ABCG4: variants seen among roughly 807,000 people sequenced by gnomAD.
The protein encoded by ABCG4 is ATP-binding cassette sub-family G member 4.
In ABCG4, 35 loss-of-function variants were observed where a neutral mutation model predicts 64.6. The observed-to-expected ratio is 0.54, with a 90% CI of 0.41 to 0.72. The LOEUF (loss-of-function observed/expected upper bound fraction) is 0.72, where lower values mean the gene tolerates loss of function less well. Ranked by LOEUF, ABCG4 falls within the 30% of genes least tolerant of loss-of-function variation. ABCG4 has a pLI of 0.00. For synonymous variants in ABCG4, 326 were observed against 348.2 expected (o/e 0.94, Z 0.71); for missense variants, 610 against 846.3 (o/e 0.72, Z 3.46).
In ABCG4 at chr11:119,154,430, C is replaced by T; in HGVS notation, c.489+38C>T. Reference sequence around the variant, plus strand: ...TAGTCACCCCTCCTCCCAGCAACCCCCTCTGTCTGCTGTCGCCACCTTCAC... The same window carrying T: ...TAGTCACCCCTCCTCCCAGCAACCCTCTCTGTCTGCTGTCGCCACCTTCAC... On this transcript the variant is annotated intron_variant, in intron 4 of 14. Transcript: ENST00000619701. This position sits in a 1 kb window ranked among gnomAD's most constrained non-coding sequence, Gnocchi z 7.0. 1.2e-6 allele frequency: 2 copies of T among 1,614,134 alleles called. No homozygotes were observed. The highest frequency in any genetic ancestry group is 1.3e-5 in the African/African-American group (1 of 75,046).
chr11:119,155,523 T>C lies in ABCG4; in HGVS notation c.686+608T>C, dbSNP rs558301604. 2.0e-5 allele frequency: 3 copies of C among 152,738 alleles called. No homozygotes were observed. The highest frequency in any genetic ancestry group is 7.2e-5 in the African/African-American group (3 of 41,582). 9.5% of individuals were successfully genotyped at this position (152,738 alleles called of 1,614,324 possible). A position where few individuals can be genotyped will look rare whatever the true frequency, so the allele number is the denominator to read the frequency against. On this transcript the variant is annotated intron_variant, in intron 6 of 14. Transcript: ENST00000619701. This position sits in a 1 kb window ranked among gnomAD's most constrained non-coding sequence, Gnocchi z 4.5. ...TTTTAGTAGAGATGGGGTTTCACCA[T>C]GTTGGTCAGGCTGGTCTTGAACTTC... is the stretch of plus-strand genomic sequence containing the variant.
Position 119,155,040 on chromosome 11 carries a change from G to A in ABCG4, c.686+125G>A. ...ACAGCCTCCTGGGGCCAAGATAAGG[G>A]CTTCTTCCTCATCTCCACCCTTGCC... is the stretch of plus-strand genomic sequence containing the variant. On this transcript the variant is annotated intron_variant, in intron 6 of 14. Transcript: ENST00000619701. The surrounding 1 kb of genome is among the most constrained non-coding windows in gnomAD (Gnocchi z 4.5). 7.4e-7 allele frequency: 1 copy of A among 1,352,560 alleles called. No individual in the cohort carries two copies. Among genetic ancestry groups the A allele is most frequent in the East Asian group, 2.3e-5 (1 of 42,884 alleles). The allele number at this position is 1,352,560 out of a possible 1,614,324, so 83.8% of individuals were successfully genotyped here. A position where few individuals can be genotyped will look rare whatever the true frequency, so the allele number is the denominator to read the frequency against.
chr11:119,161,108 G>A lies in ABCG4; in HGVS notation c.*2G>A. The A allele has an allele frequency of 6.2e-7, 1 of 1,612,126 alleles. No homozygotes were observed. Among genetic ancestry groups the A allele is most frequent in the Middle Eastern group, 1.7e-4 (1 of 6,050 alleles). The stretch of plus-strand genomic sequence containing the variant: ...TACCGGGTCAAGTCAGAGAGATAGA[G>A]GCTTGCCCCAGCCTGTACCCCAGCC... On this transcript the variant is annotated 3_prime_UTR_variant, in exon 15 of 15. Coordinates refer to ENST00000619701, the MANE Select transcript of ABCG4 (RefSeq NM_022169.5).
Position 119,154,456 on chromosome 11 carries a change from C to G in ABCG4, c.489+64C>G. On this transcript the variant is annotated intron_variant, in intron 4 of 14. Coordinates refer to ENST00000619701, the MANE Select transcript of ABCG4 (RefSeq NM_022169.5). This position sits in a 1 kb window ranked among gnomAD's most constrained non-coding sequence, Gnocchi z 7.0. ...CTCTGTCTGCTGTCGCCACCTTCAC[C>G]ATTGGCGGAGGGTTCAAGGCAGAGC... 1 of 1,614,060 alleles carries G rather than the reference C, an allele frequency of 6.2e-7. No individual in the cohort carries two copies. Among genetic ancestry groups the G allele is most frequent in the Non-Finnish European group, 8.5e-7 (1 of 1,179,974 alleles).
In ABCG4 at chr11:119,161,185, T is replaced by C; in HGVS notation, c.*79T>C. On this transcript the variant is annotated 3_prime_UTR_variant, in exon 15 of 15. Coordinates refer to ENST00000619701, the MANE Select transcript of ABCG4 (RefSeq NM_022169.5). ...GCCCTTTGGGACTGTTTTAACCTTATAGACTTGGGCACTGGTTCCTGGCGG... is the reference window on the plus strand; with the variant it reads ...GCCCTTTGGGACTGTTTTAACCTTACAGACTTGGGCACTGGTTCCTGGCGG... 1 of 1,354,732 alleles carries C rather than the reference T, an allele frequency of 7.4e-7. No homozygotes were observed. The highest frequency in any genetic ancestry group is 1.4e-5 in the African/African-American group (1 of 69,114). The allele number at this position is 1,354,732 out of a possible 1,614,324, so 83.9% of individuals were successfully genotyped here.
Position 119,156,896 on chromosome 11 carries a change from A to T in ABCG4, c.950A>T (p.Tyr317Phe). 1 of 1,612,644 alleles carries T rather than the reference A, an allele frequency of 6.2e-7. No homozygotes were observed. Among genetic ancestry groups the T allele is most frequent in the South Asian group, 1.1e-5 (1 of 90,906 alleles). The change falls in exon 9 of 15, where the codon TAT becomes TTT. Residue 317 changes from tyrosine (Y) to phenylalanine (F), a missense_variant. Tyr to Phe is a conservative substitution (Grantham distance 22, BLOSUM62 3). Coordinates refer to ENST00000619701, the MANE Select transcript of ABCG4 (RefSeq NM_022169.5). The surrounding 1 kb of genome is among the most constrained non-coding windows in gnomAD (Gnocchi z 5.5). ...GTCATCGAGGTGGCCTCTGGCGAGTATGGAGACCTGAACCCCATGTTGTTC... is the reference window on the plus strand; with the variant it reads ...GTCATCGAGGTGGCCTCTGGCGAGTTTGGAGACCTGAACCCCATGTTGTTC... ...DFIIEVASGE[Y>F]GDLNPMLFRA...
chr11:119,152,041 GTAAT>G (rs1192016314), intron 2 of ABCG4, among the ~76,000 whole-genome samples: 1 of 152,252 alleles, frequency 6.6e-6, no homozygotes, highest in East Asian at 1.9e-4. Context: ...ACCAGCTACT[GTAAT>G]TAATTGAGGG....
In ABCG4 at chr11:119,149,730, AGG is replaced by A. The variant is rs1948165562; in HGVS notation, c.-12-222_-12-221del. ...AGCCGCCGGGAGGAAGGAGCGATTG[AGG>A]GCTTCAAGGGGACGGGCTGGGGTCA... On this transcript the variant is annotated intron_variant, in intron 1 of 14. Coordinates refer to ENST00000619701, the MANE Select transcript of ABCG4 (RefSeq NM_022169.5). The surrounding 1 kb of genome is among the most constrained non-coding windows in gnomAD (Gnocchi z 8.3). 5 of 624,950 alleles carry A rather than the reference AGG, an allele frequency of 8.0e-6. No homozygotes were observed. The highest frequency in any genetic ancestry group is 1.3e-5 in the Non-Finnish European group (5 of 373,688). 38.7% of individuals were successfully genotyped at this position (624,950 alleles called of 1,614,324 possible).
intron 9 of ABCG4, 48 bp downstream of exon 9, chr11:119,157,062 A>G: frequency 6.4e-7 from 1 of 1,553,560 alleles, no homozygotes; most frequent in Non-Finnish European, 8.7e-7. Context: ...GGGAGGGGAG[A>G]CTGGACCATG....
intron 9 of ABCG4, among the ~76,000 whole-genome samples, chr11:119,157,819 T>C (rs1194732131): frequency 1.3e-5 from 2 of 152,270 alleles, no homozygotes; most frequent in East Asian, 3.9e-4. Context: ...TGAGCTGAGA[T>C]TGCGCCACTG....
chr11:119,153,367 A>G (rs1196864367), intron 2 of ABCG4: 1 of 153,118 alleles, frequency 6.5e-6, no homozygotes, highest in Admixed American at 6.5e-5. Flanking sequence ...TTACTGGGCC[A>G]TGTAGGGGCT....
At position 119,149,962 on chromosome 11, in the gene ABCG4, C is replaced by A; in HGVS notation, c.-4C>A. 6.2e-7 allele frequency: 1 copy of A among 1,603,122 alleles called. No homozygotes were observed. ...AGGCCCTCCCCTTGCAGGTCGGCGG[C>A]GTGATGGCGGAGAAGGCGCTGGAGG... is the stretch of plus-strand genomic sequence containing the variant. On this transcript the variant is annotated 5_prime_UTR_variant, in exon 2 of 15. Transcript: ENST00000619701. This position sits in a 1 kb window ranked among gnomAD's most constrained non-coding sequence, Gnocchi z 8.3.
Position 119,156,820 on chromosome 11 carries a change from C to T in ABCG4, c.926-52C>T. 1.3e-6 allele frequency: 2 copies of T among 1,592,140 alleles called. No individual in the cohort carries two copies. The highest frequency in any genetic ancestry group is 8.6e-7 in the Non-Finnish European group (1 of 1,166,336). ...CACACCCAAGGCGGGACTGACTTGC[C>T]CTTGGGAAGTGAGTGTGAATCTAAA... On this transcript the variant is annotated intron_variant, in intron 8 of 14. Coordinates refer to ENST00000619701, the MANE Select transcript of ABCG4 (RefSeq NM_022169.5). This position sits in a 1 kb window ranked among gnomAD's most constrained non-coding sequence, Gnocchi z 5.5.
At chr11:119,151,848 C>T (rs1948196495) in intron 2 of ABCG4, among the ~76,000 whole-genome samples, 1 of 152,254 alleles carries the variant, frequency 6.6e-6, no homozygotes, top group Admixed American at 6.5e-5. Context: ...AGTTGTGGGA[C>T]ATGGGTTCCT....
Position 119,149,961 on chromosome 11 carries a change from G to A in ABCG4, c.-5G>A, listed in dbSNP as rs1359748987. 6.2e-7 allele frequency: 1 copy of A among 1,602,936 alleles called. No homozygotes were observed. The highest frequency in any genetic ancestry group is 2.2e-5 in the East Asian group (1 of 44,832). On this transcript the variant is annotated 5_prime_UTR_variant, in exon 2 of 15. Transcript: ENST00000619701. The surrounding 1 kb of genome is among the most constrained non-coding windows in gnomAD (Gnocchi z 8.3). ...CAGGCCCTCCCCTTGCAGGTCGGCG[G>A]CGTGATGGCGGAGAAGGCGCTGGAG... is the stretch of plus-strand genomic sequence containing the variant.
In ABCG4 at chr11:119,160,834, C is replaced by A; in HGVS notation, c.1716-47C>A. 1 of 1,580,656 alleles carries A rather than the reference C, an allele frequency of 6.3e-7. No individual in the cohort carries two copies. Among genetic ancestry groups the A allele is most frequent in the Non-Finnish European group, 8.7e-7 (1 of 1,154,272 alleles). ...GGGCTCTGGCAGTTTTCTCAGAGAG[C>A]AGGGACCCTGTGTGCTGTATCCCAT... On this transcript the variant is annotated intron_variant, in intron 14 of 14. Transcript: ENST00000619701. This position sits in a 1 kb window ranked among gnomAD's most constrained non-coding sequence, Gnocchi z 4.6.
In ABCG4 at chr11:119,161,023, T is replaced by TC. The variant is rs758453473; in HGVS notation, c.1858_1859insC (p.Phe620SerfsTer103). On this transcript the variant is annotated frameshift_variant, in exon 15 of 15. Transcript: ENST00000619701. LOFTEE classifies it high-confidence loss of function. Reference sequence around the variant, plus strand: ...GGAGGATGCCAAGCTCTACATGGACTTCCTGGTCTTGGGCATCTTCTTCCT... The same window carrying TC: ...GGAGGATGCCAAGCTCTACATGGACTCTCCTGGTCTTGGGCATCTTCTTCCT... 6.2e-7 allele frequency: 1 copy of TC among 1,614,060 alleles called. No homozygotes were observed. The highest frequency in any genetic ancestry group is 8.5e-7 in the Non-Finnish European group (1 of 1,179,978).
chr11:119,158,407 A>G lies in ABCG4; in HGVS notation c.1167+75A>G. The G allele has an allele frequency of 6.4e-7, 1 of 1,572,640 alleles. No individual in the cohort carries two copies. Among genetic ancestry groups the G allele is most frequent in the Non-Finnish European group, 8.7e-7 (1 of 1,143,722 alleles). The stretch of plus-strand genomic sequence containing the variant: ...GGGCTGTAGGATCCCAGCAGCTGAA[A>G]TGGGAATGGGGACCCTCCCTCACAG... On this transcript the variant is annotated intron_variant, in intron 10 of 14. Coordinates refer to ENST00000619701, the MANE Select transcript of ABCG4 (RefSeq NM_022169.5). This position sits in a 1 kb window ranked among gnomAD's most constrained non-coding sequence, Gnocchi z 4.5.
In ABCG4 at chr11:119,149,897, G is replaced by T; in HGVS notation, c.-12-57G>T. 1.9e-6 allele frequency: 3 copies of T among 1,545,736 alleles called. No individual in the cohort carries two copies. The highest frequency in any genetic ancestry group is 2.6e-6 in the Non-Finnish European group (3 of 1,151,730). On this transcript the variant is annotated intron_variant, in intron 1 of 14. Transcript: ENST00000619701. This position sits in a 1 kb window ranked among gnomAD's most constrained non-coding sequence, Gnocchi z 8.3. ...GCGGGGGAAGCATTAGAACGCCAGG[G>T]AGCTTTGAGCCGGGCTCGGTGGTCT...
Sources: allele counts gnomAD v4.1 joint callset (sites outside exome capture counted in the v4.1 genomes callset), GRCh38; gene constraint gnomAD v4.1.1; non-coding constraint Gnocchi (gnomAD v3.1); transcripts MANE v1.5; gene names NCBI Gene and HGNC (gene_info 2026-07-23, HGNC 2026-07-21).